The following ZCCHC2 variants were observed in gnomAD, a reference collection of about 807,000 sequenced individuals.
The protein encoded by ZCCHC2 is zinc finger CCHC domain-containing protein 2.
Under a neutral mutation model 103.6 loss-of-function variants are expected in ZCCHC2, and 39 were observed. That is an observed-to-expected ratio of 0.38 (90% confidence interval 0.29 to 0.49). The LOEUF (loss-of-function observed/expected upper bound fraction) is 0.49. ZCCHC2 is among the 20% of genes least tolerant of loss of function. The pLI, the probability that ZCCHC2 is intolerant of heterozygous loss-of-function variation, is 0.96. For synonymous variants in ZCCHC2, 687 were observed against 608.9 expected (o/e 1.13, Z -1.89); for missense variants, 1,483 against 1,491.0 (o/e 0.99, Z 0.09).
exon 15 of ZCCHC2, chr18:62,585,662 A>G (rs1372681005): frequency 3.9e-5 from 6 of 152,252 alleles, no homozygotes; most frequent in African/African-American, 1.4e-4. Flanking sequence ...TGATTTACAT[A>G]GTGGGGATGA....
chr18:62,564,909 G>A (rs192698249), intron 10 of ZCCHC2, 93 bp from the exon 11 acceptor site: 451 of 913,078 alleles, frequency 4.9e-4, no homozygotes, highest in Non-Finnish European at 6.6e-5. Flanking sequence ...AAAAAAATTT[G>A]AAGAGTCTTG....
rs146431005 is a variant in ZCCHC2 at position 62,549,035 on chromosome 18, C to G, written c.1201-1313C>G. ...GAGATTGAGACCATCCTGACTAACA[C>G]GGTGAAACCCTGTCTCTACTAAAAA... On this transcript the variant is annotated intron_variant, in intron 4 of 13. Coordinates refer to ENST00000269499, the MANE Select transcript of ZCCHC2 (RefSeq NM_017742.6). Among the ~76,000 whole-genome samples the G allele has an allele frequency of 7.3e-4, 110 of 150,222 alleles. No homozygotes were observed. In the East Asian group the frequency reaches 0.017, roughly 23 times the overall value.
At chr18:62,571,079 G>A (rs1916581910) in intron 12 of ZCCHC2, among the ~76,000 whole-genome samples, 1 of 152,174 alleles carries the variant, frequency 6.6e-6, no homozygotes, top group Admixed American at 6.5e-5. Flanking sequence ...AAGTTTTCTG[G>A]TCAGCCTCTT....
chr18:62,549,200 C>G (rs1384023322), intron 4 of ZCCHC2, among the ~76,000 whole-genome samples: 1 of 150,698 alleles, frequency 6.6e-6, no homozygotes, highest in Non-Finnish European at 1.5e-5. Context: ...GCCTGGGCAA[C>G]AGAGCGAGAC....
rs765327038 is a variant in ZCCHC2 at position 62,574,811 on chromosome 18, T to A, written c.2730T>A (p.Ala910=). ...TTCCAGCAGCTGGCCTCTCAGCTGC[T>A]CAGCCACCAGCTTCCTACCCCTTAC... ...VVLPAAGLSA[A]QPPASYPLPG... The change falls in exon 13 of 14, where the codon GCT becomes GCA. Residue 910 remains alanine (A), a synonymous_variant. Transcript: ENST00000269499. 4.3e-6 allele frequency: 7 copies of A among 1,613,856 alleles called. No homozygotes were observed. Among genetic ancestry groups the A allele is most frequent in the Non-Finnish European group, 4.2e-6 (5 of 1,179,908 alleles).
At chr18:62,544,022 C>T (rs1915310763) in intron 3 of ZCCHC2, among the ~76,000 whole-genome samples, 1 of 152,148 alleles carries the variant, frequency 6.6e-6, no homozygotes, top group Non-Finnish European at 1.5e-5. Flanking sequence ...TATTTTTTAA[C>T]TATCTGATTA....
downstream of ZCCHC2, among the ~76,000 whole-genome samples, chr18:62,579,419 G>A (rs1014733097): frequency 6.6e-6 from 1 of 152,128 alleles, no homozygotes; most frequent in African/African-American, 2.4e-5. Flanking sequence ...GTTGCTCCAC[G>A]CCGCCCTTGA....
intron 5 of ZCCHC2, among the ~76,000 whole-genome samples, chr18:62,553,212 T>C (rs1028649561): frequency 6.7e-6 from 1 of 149,342 alleles, no homozygotes; most frequent in African/African-American, 2.5e-5. Context: ...GTATTTCCTT[T>C]ACTATCCAAA....
chr18:62,564,163 T>C (rs1916242682), intron 9 of ZCCHC2, among the ~76,000 whole-genome samples: 2 of 152,222 alleles, frequency 1.3e-5, no homozygotes, highest in South Asian at 2.1e-4. Flanking sequence ...AAAGCCCGTC[T>C]GAGTTTACTT....
intron 11 of ZCCHC2, among the ~76,000 whole-genome samples, chr18:62,566,245 C>CAAAT (rs1444843893): frequency 2.6e-5 from 4 of 152,220 alleles, no homozygotes; most frequent in East Asian, 3.9e-4. Context: ...AACTCCATCT[C>CAAAT]AAATAAATAA....
chr18:62,558,652 C>T, intron 6 of ZCCHC2, 35 bp from the exon 7 acceptor site: 1 of 1,226,698 alleles, frequency 8.2e-7, no homozygotes, highest in Non-Finnish European at 1.1e-6. Flanking sequence ...TTTTAATTTT[C>T]CTAAAAAGTT....
chr18:62,547,706 C>T (rs1915481163), intron 4 of ZCCHC2, among the ~76,000 whole-genome samples: 1 of 152,040 alleles, frequency 6.6e-6, no homozygotes, highest in South Asian at 2.1e-4. Flanking sequence ...GGATTACAGG[C>T]ATGCACCACC....
At chr18:62,583,782 C>T (rs1485047921) in intron 14 of ZCCHC2, among the ~76,000 whole-genome samples, 1 of 152,028 alleles carries the variant, frequency 6.6e-6, no homozygotes, top group Non-Finnish European at 1.5e-5. Flanking sequence ...GAAACGTAGT[C>T]ACGACATCTC....
rs980944099 is a variant in ZCCHC2 at position 62,577,713 on chromosome 18, T to C, written c.*1134T>C. On this transcript the variant is annotated 3_prime_UTR_variant, in exon 14 of 14. Coordinates refer to ENST00000269499, the MANE Select transcript of ZCCHC2 (RefSeq NM_017742.6). Reference sequence around the variant, plus strand: ...GAGTGTGTTAAGATGGTATTAATCATGTCGGTGTCATGTCACTAAGTTTAA... The same window carrying C: ...GAGTGTGTTAAGATGGTATTAATCACGTCGGTGTCATGTCACTAAGTTTAA... The C allele has an allele frequency of 6.6e-6, 1 of 152,336 alleles. No individual in the cohort carries two copies. Among genetic ancestry groups the C allele is most frequent in the African/African-American group, 2.4e-5 (1 of 41,302 alleles). 9.4% of individuals were successfully genotyped at this position (152,336 alleles called of 1,614,324 possible).
In ZCCHC2 at chr18:62,574,696, C is replaced by A. The variant is rs200293690; in HGVS notation, c.2615C>A (p.Ala872Glu). Residue 872 changes from alanine (A) to glutamate (E), a missense_variant, in exon 13 of 14, where the codon GCA (alanine) becomes GAA (glutamate). By Grantham distance (107) the Ala-to-Glu change is moderately radical (BLOSUM62 -1). Coordinates refer to ENST00000269499, the MANE Select transcript of ZCCHC2 (RefSeq NM_017742.6). ...VATTDPITKS[A>E]SQVVGLNQMV... Reference sequence around the variant, plus strand: ...ACCACGGACCCCATCACAAAATCTGCATCCCAAGTGGTAGGACTCAATCAA... The same window carrying A: ...ACCACGGACCCCATCACAAAATCTGAATCCCAAGTGGTAGGACTCAATCAA... The A allele has an allele frequency of 4.0e-4, 639 of 1,614,024 alleles. No individual in the cohort carries two copies. Among genetic ancestry groups the A allele is most frequent in the Middle Eastern group, 2.6e-3 (16 of 6,062 alleles).
rs1916930832 is a variant in ZCCHC2, at chr18:62,578,149, C to T, written c.*1570C>T. On this transcript the variant is annotated 3_prime_UTR_variant, in exon 14 of 14. Transcript: ENST00000269499. The stretch of plus-strand genomic sequence containing the variant: ...GCACCAATGTACATTTTGAAACTTT[C>T]TTTCAGGGGTGGGAGTTATGGGGAA... The T allele has an allele frequency of 6.7e-6, 1 of 150,354 alleles. No individual in the cohort carries two copies. Among genetic ancestry groups the T allele is most frequent in the Non-Finnish European group, 1.5e-5 (1 of 67,542 alleles). 9.3% of individuals were successfully genotyped at this position (150,354 alleles called of 1,614,324 possible). A position where few individuals can be genotyped will look rare whatever the true frequency, so the allele number is the denominator to read the frequency against.
At chr18:62,582,519 AAC>A (rs1383276494), downstream of ZCCHC2, among the ~76,000 whole-genome samples, 1 of 152,120 alleles carries the variant, frequency 6.6e-6, no homozygotes, top group Non-Finnish European at 1.5e-5. Flanking sequence ...ATCTACCAAA[AAC>A]ACAAAAACTT....
chr18:62,551,050 G>A (rs971922586), intron 5 of ZCCHC2, among the ~76,000 whole-genome samples: 14 of 152,234 alleles, frequency 9.2e-5, no homozygotes, highest in Non-Finnish European at 1.8e-4. Flanking sequence ...GGCGGCACAA[G>A]GACCCTGTGG....
At chr18:62,559,024 T>G (rs530603527) in intron 7 of ZCCHC2, among the ~76,000 whole-genome samples, 4 of 152,312 alleles carry the variant, frequency 2.6e-5, no homozygotes, top group African/African-American at 9.6e-5. Flanking sequence ...TATGAAAAAA[T>G]AGGTATAATT....
Sources: allele counts gnomAD v4.1 joint callset (sites outside exome capture counted in the v4.1 genomes callset), GRCh38; gene constraint gnomAD v4.1.1; transcripts MANE v1.5; gene names NCBI Gene and HGNC (gene_info 2026-07-23, HGNC 2026-07-21).